PRKG1: variants seen among roughly 807,000 people sequenced by gnomAD.
PRKG1 encodes protein kinase cGMP-dependent 1.
In PRKG1, 35 loss-of-function variants were observed where a neutral mutation model predicts 88.1. That is an observed-to-expected ratio of 0.40 (90% confidence interval 0.30 to 0.53). The LOEUF (loss-of-function observed/expected upper bound fraction) is 0.53. Among genes scored for constraint, PRKG1 ranks in the 20% least tolerant of loss-of-function variants. The pLI is 0.59. For missense variants in PRKG1, 540 were observed against 839.8 expected (o/e 0.64, Z 4.41); for synonymous variants, 303 against 292.5 (o/e 1.04, Z -0.37).
At chr10:52,247,038 A>ATATTTG (rs1445681633) in intron 9 of PRKG1, among the ~76,000 whole-genome samples, 11 of 152,084 alleles carry the variant, frequency 7.2e-5, no homozygotes, top group African/African-American at 2.7e-4. Flanking sequence ...ATCTTGTTGT[A>ATATTTG]TATTTGTATT....
chr10:51,301,395 C>A (rs1298283318), intron 2 of PRKG1, among the ~76,000 whole-genome samples: 1 of 151,988 alleles, frequency 6.6e-6, no homozygotes, highest in African/African-American at 2.4e-5. Flanking sequence ...AAGGTACCTT[C>A]TTTTAGACCT....
intron 3 of PRKG1, among the ~76,000 whole-genome samples, chr10:51,616,831 G>T (rs1489747214): frequency 6.6e-6 from 1 of 152,106 alleles, no homozygotes. Flanking sequence ...TGGTGGGTGG[G>T]AACATGCACA....
intron 9 of PRKG1, among the ~76,000 whole-genome samples, chr10:52,176,735 T>G (rs926360145): frequency 8.5e-5 from 13 of 152,170 alleles, no homozygotes; most frequent in South Asian, 2.1e-4. Flanking sequence ...TCACCTCCTT[T>G]GTTGAATTTA....
At chr10:51,367,070 C>A (rs1842605596) in intron 2 of PRKG1, among the ~76,000 whole-genome samples, 1 of 151,862 alleles carries the variant, frequency 6.6e-6, no homozygotes, top group African/African-American at 2.4e-5. Context: ...TGAGGGATTA[C>A]CCATTTGTTT....
chr10:51,050,211 A>G (rs1843544330), intron 1 of PRKG1, among the ~76,000 whole-genome samples: 1 of 151,942 alleles, frequency 6.6e-6, no homozygotes. Flanking sequence ...AGTTTTAAGT[A>G]TACAGTTCAG....
chr10:51,845,552 A>G (rs1840376504), intron 4 of PRKG1, among the ~76,000 whole-genome samples: 1 of 152,146 alleles, frequency 6.6e-6, no homozygotes, highest in African/African-American at 2.4e-5. Context: ...CCTTGTAGAA[A>G]ATTGGTATGA....
intron 3 of PRKG1, among the ~76,000 whole-genome samples, chr10:51,538,871 T>A (rs1412587075): frequency 6.6e-6 from 1 of 152,082 alleles, no homozygotes; most frequent in African/African-American, 2.4e-5. Flanking sequence ...GCACATATCA[T>A]TTTTTGTTTT....
intron 3 of PRKG1, among the ~76,000 whole-genome samples, chr10:51,501,538 A>C (rs1481005150): frequency 2.0e-5 from 3 of 152,010 alleles, no homozygotes; most frequent in Non-Finnish European, 4.4e-5. Context: ...AGCTCTCTCC[A>C]TCTGTGCTTC....
intron 3 of PRKG1, among the ~76,000 whole-genome samples, chr10:51,599,083 C>CTT (rs1189433266): frequency 1.3e-5 from 2 of 152,142 alleles, no homozygotes; most frequent in Admixed American, 6.5e-5. Flanking sequence ...ATTTGACAGA[C>CTT]TTTGGATGGT....
intron 3 of PRKG1, among the ~76,000 whole-genome samples, chr10:51,671,063 T>C (rs2132348663): frequency 6.6e-6 from 1 of 152,308 alleles, no homozygotes; most frequent in South Asian, 2.1e-4. Context: ...TATGGGATAA[T>C]TCATGTGCTT....
chr10:52,290,013 T>C (rs1842204227), intron 16 of PRKG1, among the ~76,000 whole-genome samples: 1 of 152,182 alleles, frequency 6.6e-6, no homozygotes, highest in Non-Finnish European at 1.5e-5. Context: ...GCATGTTAAT[T>C]GGTGTTTAAA....
chr10:52,294,029 C>CGATGCCA lies in PRKG1; in HGVS notation c.*129_*130insGATGCCA. 5.9e-6 allele frequency: 4 copies of CGATGCCA among 681,538 alleles called. No individual in the cohort carries two copies. The South Asian group carries it at 7.8e-5, about 13-fold the overall frequency. 42.2% of individuals were successfully genotyped at this position (681,538 alleles called of 1,614,324 possible). On this transcript the variant is annotated 3_prime_UTR_variant, in exon 18 of 18. Coordinates refer to ENST00000373980, the MANE Select transcript of PRKG1 (RefSeq NM_006258.4). Reference sequence around the variant, plus strand: ...CATGATGCCTTTGATCGATGCTGCTCCAGTAACTACAGTGGCATTAGGACT... The same window carrying CGATGCCA: ...CATGATGCCTTTGATCGATGCTGCTCGATGCCACAGTAACTACAGTGGCATTAGGACT...
At chr10:51,439,339 A>G (rs1284514321) in intron 2 of PRKG1, among the ~76,000 whole-genome samples, 4 of 151,906 alleles carry the variant, frequency 2.6e-5, no homozygotes, top group African/African-American at 9.7e-5. Context: ...ATAAAATGAA[A>G]TAAAAGATGT....
At chr10:51,749,239 A>T (rs1837656853) in intron 3 of PRKG1, among the ~76,000 whole-genome samples, 1 of 152,182 alleles carries the variant, frequency 6.6e-6, no homozygotes, top group South Asian at 2.1e-4. Flanking sequence ...TTATTATTTC[A>T]GTTCTGTCTT....
intron 2 of PRKG1, among the ~76,000 whole-genome samples, chr10:51,203,239 G>A (rs1017132018): frequency 6.6e-6 from 1 of 152,132 alleles, no homozygotes; most frequent in South Asian, 2.1e-4. Flanking sequence ...ACTGAGTTTT[G>A]TCCCTTTTCA....
At chr10:52,232,126 A>C (rs1243208251) in intron 9 of PRKG1, among the ~76,000 whole-genome samples, 1 of 152,074 alleles carries the variant, frequency 6.6e-6, no homozygotes, top group Non-Finnish European at 1.5e-5. Flanking sequence ...AATATGGTGA[A>C]ACCCCATCTC....
chr10:51,627,929 T>TTCCTTCCCTTCCTTCACTTCCTTTCTTC (rs1426640394), intron 3 of PRKG1, among the ~76,000 whole-genome samples: 1 of 41,560 alleles, frequency 2.4e-5, no homozygotes, highest in Non-Finnish European at 5.7e-5. Flanking sequence ...TCCCTTCCTT[T>TTCCTTCCCTTCCTTCACTTCCTTTCTTC]CTTCCTTCCT....
At chr10:51,211,512 G>C (rs2132073856) in intron 2 of PRKG1, among the ~76,000 whole-genome samples, 1 of 152,320 alleles carries the variant, frequency 6.6e-6, no homozygotes, top group Admixed American at 6.5e-5. Flanking sequence ...ATTAGGAAAA[G>C]AGGAAGTCAA....
chr10:52,029,854 G>A (rs1845434983), intron 5 of PRKG1, among the ~76,000 whole-genome samples: 2 of 152,088 alleles, frequency 1.3e-5, no homozygotes, highest in Admixed American at 6.6e-5. Flanking sequence ...CATGTGGACA[G>A]TACATATCCT....
Sources: gnomAD v4.1 joint callset for allele counts (sites outside exome capture counted in the v4.1 genomes callset) on GRCh38, gnomAD v4.1.1 for gene constraint, MANE v1.5 for transcripts, NCBI Gene and HGNC (gene_info 2026-07-23, HGNC 2026-07-21) for gene names.